CHD9: variants seen among roughly 807,000 people sequenced by gnomAD.
The protein encoded by CHD9 is chromodomain helicase DNA binding protein 9.
In CHD9, 77 loss-of-function variants were observed where a neutral mutation model predicts 316.1. That is an observed-to-expected ratio of 0.24 (90% CI 0.20 to 0.29). CHD9 has a LOEUF of 0.29. CHD9 is among the 10% of genes least tolerant of loss of function. CHD9 has a pLI of 1.00. For synonymous variants in CHD9, 1,129 were observed against 1,158.3 expected, an observed-to-expected ratio of 0.97 and a Z score of 0.51; for missense variants, 2,763 against 3,438.1, an observed-to-expected ratio of 0.80 and a Z score of 4.91.
intron 1 of CHD9, among the ~76,000 whole-genome samples, chr16:53,134,138 G>A (rs966616746): frequency 6.6e-6 from 1 of 152,074 alleles, no homozygotes; most frequent in Non-Finnish European, 1.5e-5. Context: ...AAATTTCATC[G>A]GGTAATGAGT....
At chr16:53,256,381 CT>C (rs1163977563) in intron 19 of CHD9, among the ~76,000 whole-genome samples, 2,517 of 99,284 alleles carry the variant, frequency 0.025, 31 homozygotes, top group African/African-American at 0.093. Flanking sequence ...TTTTTCTTTT[CT>C]TTTTTTTTTT....
Position 53,238,549 on chromosome 16 carries a change from T to C in CHD9, c.2840T>C (p.Met947Thr), listed in dbSNP as rs368563114. Residue 947 changes from methionine (M) to threonine (T), a missense_variant, in exon 12 of 39, where the codon ATG (methionine) becomes ACG (threonine). Around this residue, in one of 15 missense-constraint regions of CHD9, gnomAD observed 186 missense variants for 245.0 expected, o/e 0.76. Transcript: ENST00000447540. ...CATGGGAGCCTGATTAGCAGACAAATGATACAGCAATACGAGATGTACTTC... is the reference window on the plus strand; with the variant it reads ...CATGGGAGCCTGATTAGCAGACAAACGATACAGCAATACGAGATGTACTTC... Reference protein sequence around the residue: ...VYHGSLISRQMIQQYEMYFRD... With the variant: ...VYHGSLISRQTIQQYEMYFRD... The C allele has an allele frequency of 1.9e-6, 3 of 1,613,144 alleles. No individual in the cohort carries two copies. Among genetic ancestry groups the C allele is most frequent in the Non-Finnish European group, 2.5e-6 (3 of 1,179,414 alleles).
At chr16:53,169,861 A>G (rs552980708) in intron 2 of CHD9, among the ~76,000 whole-genome samples, 10 of 152,300 alleles carry the variant, frequency 6.6e-5, no homozygotes, top group African/African-American at 2.4e-4. Context: ...TTTAAATTTC[A>G]GGATCCAATC....
intron 2 of CHD9, among the ~76,000 whole-genome samples, chr16:53,183,725 G>C (rs2043729354): frequency 6.6e-6 from 1 of 151,958 alleles, no homozygotes; most frequent in South Asian, 2.1e-4. Flanking sequence ...ACCAGCCTAG[G>C]CAACATAGCA....
chr16:53,237,322 C>G (rs1033152852), intron 11 of CHD9, among the ~76,000 whole-genome samples: 1 of 152,126 alleles, frequency 6.6e-6, no homozygotes, highest in Non-Finnish European at 1.5e-5. Context: ...CTTCCCTGCA[C>G]TTAATGGTAC....
intron 1 of CHD9, among the ~76,000 whole-genome samples, chr16:53,148,369 G>T (rs1037176712): frequency 1.3e-5 from 2 of 152,206 alleles, no homozygotes; most frequent in African/African-American, 2.4e-5. Flanking sequence ...AGCTTCCTGA[G>T]TAGCTGGGAC....
rs1447872030 is a variant in CHD9 at position 53,156,986 on chromosome 16, T to C, written c.897T>C (p.Asn299=). ...CAGTTCTTGCATCTAATCATACAAA[T>C]CAGACTTTATCTGATTTTACTGGAA... ...SSAVLASNHT[N]QTLSDFTGSN... The change falls in exon 2 of 39, where the codon AAT becomes AAC. Residue 299 remains asparagine (N), a synonymous_variant. Coordinates refer to ENST00000447540, the MANE Select transcript of CHD9 (RefSeq NM_001308319.2). 1 of 1,612,912 alleles carries C rather than the reference T, an allele frequency of 6.2e-7. No individual in the cohort carries two copies. The highest frequency in any genetic ancestry group is 1.3e-5 in the African/African-American group (1 of 75,050).
chr16:53,112,970 C>T (rs1348836684), intron 1 of CHD9, among the ~76,000 whole-genome samples: 2 of 152,152 alleles, frequency 1.3e-5, no homozygotes, highest in Non-Finnish European at 1.5e-5. Flanking sequence ...CCACTGCACT[C>T]CAGCCTAGGT....
intron 2 of CHD9, among the ~76,000 whole-genome samples, chr16:53,187,683 G>C (rs567329818): frequency 2.6e-5 from 4 of 152,172 alleles, no homozygotes; most frequent in African/African-American, 9.6e-5. Flanking sequence ...AAAGTGATGA[G>C]CAACAGTGTC....
At chr16:53,136,614 C>T (rs374465924) in intron 1 of CHD9, among the ~76,000 whole-genome samples, 52 of 150,112 alleles carry the variant, frequency 3.5e-4, no homozygotes, top group African/African-American at 1.2e-3. Context: ...GTCTGTTTTA[C>T]AGTTGAAGCA....
At chr16:53,248,505 G>T (rs1597632889) in intron 16 of CHD9, among the ~76,000 whole-genome samples, 1 of 142,686 alleles carries the variant, frequency 7.0e-6, no homozygotes, top group Admixed American at 7.0e-5. Context: ...GTTTGTTTTT[G>T]CTTTGTTGGT....
At chr16:53,248,445 A>G (rs2049835211) in intron 16 of CHD9, among the ~76,000 whole-genome samples, 2 of 151,872 alleles carry the variant, frequency 1.3e-5, no homozygotes, top group Admixed American at 6.5e-5. Context: ...ATATTAATGT[A>G]AAAGAGAATC....
At chr16:53,314,719 T>G in intron 35 of CHD9, 104 bp from the exon 36 acceptor site, 1 of 1,104,936 alleles carries the variant, frequency 9.1e-7, no homozygotes, top group Admixed American at 2.7e-5. Flanking sequence ...AGCAGAATTT[T>G]TAGCAACAAC....
intron 3 of CHD9, among the ~76,000 whole-genome samples, chr16:53,215,367 A>C (rs879492693): frequency 3.3e-5 from 5 of 152,194 alleles, no homozygotes; most frequent in Non-Finnish European, 7.3e-5. Context: ...TTTAAACAGG[A>C]AGTAATAGTC....
intron 2 of CHD9, among the ~76,000 whole-genome samples, chr16:53,165,967 T>G (rs2152767112): frequency 6.6e-6 from 1 of 152,280 alleles, no homozygotes; most frequent in Non-Finnish European, 1.5e-5. Context: ...TGTTTAAATC[T>G]TTATGCATTT....
Position 53,229,031 on chromosome 16 carries a change from TA to T in CHD9, c.2221del (p.Arg741GlyfsTer11). The T allele has an allele frequency of 1.3e-6, 2 of 1,599,326 alleles. No individual in the cohort carries two copies. The highest frequency in any genetic ancestry group is 1.1e-5 in the South Asian group (1 of 87,348). ...CCACAGAAGAGCAGCTTTTGAAAGATAAAAGGATCCAGCAGAAAATCAAACG... is the reference window on the plus strand; with the variant it reads ...CCACAGAAGAGCAGCTTTTGAAAGATAAAGGATCCAGCAGAAAATCAAACG... ...WATEEQLLKD[K>X]RIQQKIKRFK... On this transcript the variant is annotated frameshift_variant, in exon 8 of 39. Coordinates refer to ENST00000447540, the MANE Select transcript of CHD9 (RefSeq NM_001308319.2). LOFTEE classifies it high-confidence loss of function.
At chr16:53,132,731 G>A (rs1462213221) in intron 1 of CHD9, among the ~76,000 whole-genome samples, 2 of 148,994 alleles carry the variant, frequency 1.3e-5, no homozygotes, top group Non-Finnish European at 3.0e-5. Context: ...GACTTCTATT[G>A]CTCGAAGCAA....
At position 53,306,328 on chromosome 16, in the gene CHD9, C is replaced by A. The variant is rs2055967019; in HGVS notation, c.6711C>A (p.Asn2237Lys). The A allele has an allele frequency of 1.9e-6, 3 of 1,611,520 alleles. No individual in the cohort carries two copies. Among genetic ancestry groups the A allele is most frequent in the Non-Finnish European group, 2.5e-6 (3 of 1,178,790 alleles). The stretch of plus-strand genomic sequence containing the variant: ...AGACTCAGGATAGTTTTCAGATGAA[C>A]AATGGGACACCAGAGTCTGCTTATA... ...QDETQDSFQM[N>K]NGTPESAYIL... is the part of the protein sequence containing the mutation. The change falls in exon 32 of 39, where the codon AAC becomes AAA. Residue 2237 changes from asparagine (N) to lysine (K), a missense_variant. Around this residue, in one of 15 missense-constraint regions of CHD9, gnomAD observed 663 missense variants for 751.2 expected, o/e 0.88. Transcript: ENST00000447540.
chr16:53,256,243 C>T (rs996207322), intron 19 of CHD9, among the ~76,000 whole-genome samples: 2 of 151,822 alleles, frequency 1.3e-5, no homozygotes, highest in Non-Finnish European at 2.9e-5. Flanking sequence ...CGGGTGGATA[C>T]GTGAGGTCAG....
Sources: gnomAD v4.1 joint callset for allele counts (sites outside exome capture counted in the v4.1 genomes callset) on GRCh38, gnomAD v4.1.1 for gene constraint, gnomAD v4.1.1 regional missense constraint, MANE v1.5 for transcripts, NCBI Gene and HGNC (gene_info 2026-07-23, HGNC 2026-07-21) for gene names.